The following TGM3 variants were observed in gnomAD, a reference collection of about 807,000 sequenced individuals.
TGM3 encodes transglutaminase 3.
TGM3 carries 52 observed loss-of-function variants against 73.8 expected under a neutral mutation model. That is an observed-to-expected ratio of 0.70 (90% confidence interval 0.56 to 0.89). The LOEUF (loss-of-function observed/expected upper bound fraction) is 0.89, where lower values mean the gene tolerates loss of function less well. Among genes scored for constraint, TGM3 ranks in the 40% least tolerant of loss-of-function variants. The probability of loss-of-function intolerance (pLI) is 0.00; values close to 1 mark genes in which losing one functional copy is unlikely to be tolerated. For synonymous variants in TGM3, 372 were observed against 354.9 expected, an observed-to-expected ratio of 1.05 and a Z score of -0.54; for missense variants, 928 against 909.9, an observed-to-expected ratio of 1.02 and a Z score of -0.26.
intron 11 of TGM3, among the ~76,000 whole-genome samples, chr20:2,337,837 A>G (rs946479763): frequency 6.6e-6 from 1 of 152,220 alleles, no homozygotes; most frequent in African/African-American, 2.4e-5. Flanking sequence ...TACATCTTCC[A>G]GATTTCCATG....
intron 7 of TGM3, among the ~76,000 whole-genome samples, chr20:2,318,096 T>A (rs566485256): frequency 3.6e-4 from 54 of 152,090 alleles, no homozygotes; most frequent in Non-Finnish European, 7.6e-4. Flanking sequence ...CTTGGCTCAC[T>A]GCAACCTCAG....
chr20:2,309,583 G>T, intron 1 of TGM3, 74 bp from the exon 2 acceptor site: 1 of 1,514,250 alleles, frequency 6.6e-7, no homozygotes, highest in East Asian at 2.3e-5. Flanking sequence ...GCTGCTCTTT[G>T]GTAACTTACA....
intron 1 of TGM3, among the ~76,000 whole-genome samples, chr20:2,296,670 G>C (rs543068690): frequency 2.0e-5 from 3 of 152,268 alleles, no homozygotes; most frequent in Non-Finnish European, 2.9e-5. Flanking sequence ...AGCAGGAGCA[G>C]GTGTGCCACA....
intron 7 of TGM3, among the ~76,000 whole-genome samples, chr20:2,319,041 A>C (rs1248322994): frequency 6.6e-6 from 1 of 152,158 alleles, no homozygotes; most frequent in Non-Finnish European, 1.5e-5. Context: ...CTGCACATAC[A>C]CAACTTTCTC....
intron 1 of TGM3, among the ~76,000 whole-genome samples, chr20:2,300,694 G>A (rs1362969585): frequency 6.6e-6 from 1 of 152,206 alleles, no homozygotes; most frequent in Non-Finnish European, 1.5e-5. Flanking sequence ...AATGGGGACA[G>A]CAACACCATT....
intron 1 of TGM3, among the ~76,000 whole-genome samples, chr20:2,299,377 C>T (rs536168947): frequency 2.0e-5 from 3 of 152,306 alleles, no homozygotes; most frequent in South Asian, 2.1e-4. Context: ...TCATCCATTC[C>T]CAAGTCCAAA....
chr20:2,308,006 G>T (rs903910050), intron 1 of TGM3, among the ~76,000 whole-genome samples: 1 of 152,088 alleles, frequency 6.6e-6, no homozygotes, highest in Non-Finnish European at 1.5e-5. Context: ...CAGATCACTT[G>T]AGCCCAGGAG....
intron 1 of TGM3, among the ~76,000 whole-genome samples, chr20:2,302,215 C>G (rs1489904140): frequency 6.6e-6 from 1 of 152,074 alleles, no homozygotes; most frequent in Non-Finnish European, 1.5e-5. Flanking sequence ...CATCACACAC[C>G]CAGCGACCAA....
intron 7 of TGM3, 30 bp from the exon 8 acceptor site, chr20:2,325,819 A>G (rs1356410316): frequency 2.0e-6 from 3 of 1,498,036 alleles, no homozygotes; most frequent in Non-Finnish European, 2.7e-6. Context: ...GGTCTTGGGC[A>G]AGCGCTGCAG....
At position 2,335,195 on chromosome 20, in the gene TGM3, G is replaced by A. The variant is rs201706734; in HGVS notation, c.1722G>A (p.Ala574=). Residue 574 remains alanine, a synonymous_variant, in exon 11 of 13, where the codon GCG becomes GCA. Coordinates refer to ENST00000381458, the MANE Select transcript of TGM3 (RefSeq NM_003245.4). The part of the protein sequence containing the change: ...LKSDNMIRIT[A]VCKVPDESEV... ...CAGACAACATGATCCGGATCACAGC[G>A]GTGTGCAAGGTCCCAGATGAGTCTG... 1.2e-4 allele frequency: 193 copies of A among 1,614,068 alleles called. No homozygotes were observed. Among genetic ancestry groups the A allele is most frequent in the South Asian group, 1.8e-4 (16 of 91,088 alleles).
Position 2,325,907 on chromosome 20 carries a change from G to A in TGM3, c.1042G>A (p.Gly348Ser), listed in dbSNP as rs139599978. ...FVRSDLGPSY[G>S]GWQVLDATPQ... ...GAGGTCTGACCTGGGCCCCTCGTAC[G>A]GTGGATGGCAGGTGTTGGATGCTAC... is the stretch of plus-strand genomic sequence containing the variant. Residue 348 changes from glycine to serine, a missense_variant, in exon 8 of 13, where the codon GGT becomes AGT. Gly to Ser is a moderately conservative substitution (Grantham distance 56). Transcript: ENST00000381458. The A allele has an allele frequency of 3.7e-4, 596 of 1,594,096 alleles. No homozygotes were observed. The highest frequency in any genetic ancestry group is 1.3e-3 in the Middle Eastern group (8 of 6,050).
At chr20:2,299,248 C>T (rs214772) in intron 1 of TGM3, among the ~76,000 whole-genome samples, 112,498 of 152,048 alleles carry the variant, frequency 0.74, 43,512 homozygotes, top group East Asian at 0.93. Flanking sequence ...CTGTTTTCTC[C>T]TTGTCTTGGG....
rs770559976 is a variant in TGM3, at chr20:2,309,805, A to G, written c.156A>G (p.Glu52=). ...MIMNKGLGSN[E]RLEFIVSTGP... is the part of the protein sequence containing the mutation. The stretch of plus-strand genomic sequence containing the variant: ...TGAACAAAGGCCTTGGCTCTAACGA[A>G]AGACTGGAGTTCATTGTCTCCACAG... Residue 52 remains glutamate, a synonymous_variant, in exon 2 of 13, where the codon GAA becomes GAG. Transcript: ENST00000381458. The G allele has an allele frequency of 6.2e-7, 1 of 1,614,146 alleles. No individual in the cohort carries two copies. Among genetic ancestry groups the G allele is most frequent in the Admixed American group, 1.7e-5 (1 of 60,020 alleles).
At chr20:2,299,764 C>T (rs377693328) in intron 1 of TGM3, among the ~76,000 whole-genome samples, 25 of 152,222 alleles carry the variant, frequency 1.6e-4, no homozygotes, top group African/African-American at 5.5e-4. Flanking sequence ...GTAGTGAGGT[C>T]TCAGTCCCTG....
intron 7 of TGM3, among the ~76,000 whole-genome samples, chr20:2,323,334 A>G (rs755172421): frequency 2.6e-5 from 4 of 152,096 alleles, no homozygotes; most frequent in Non-Finnish European, 5.9e-5. Flanking sequence ...TGATTTTCTT[A>G]TTTCATGATA....
At chr20:2,320,292 C>A (rs1258507322) in intron 7 of TGM3, among the ~76,000 whole-genome samples, 1 of 152,174 alleles carries the variant, frequency 6.6e-6, no homozygotes. Context: ...ACAGCAGCAA[C>A]TAATAATTTG....
chr20:2,313,008 C>G lies in TGM3; in HGVS notation c.651C>G (p.Gly217=). Residue 217 remains glycine (G), a synonymous_variant, in exon 5 of 13, where the codon GGC becomes GGG. Transcript: ENST00000381458. ...VASRNDPKYV[G]RVLSAMINSN... is the part of the protein sequence containing the mutation. ...GCAGAAATGACCCCAAATACGTTGGCCGGGTGCTGAGTGCCATGGTGAGTA... is the reference window on the plus strand; with the variant it reads ...GCAGAAATGACCCCAAATACGTTGGGCGGGTGCTGAGTGCCATGGTGAGTA... 6.2e-7 allele frequency: 1 copy of G among 1,614,166 alleles called. No homozygotes were observed. Among genetic ancestry groups the G allele is most frequent in the Non-Finnish European group, 8.5e-7 (1 of 1,180,022 alleles).
Position 2,309,786 on chromosome 20 carries a change from A to C in TGM3, c.137A>C (p.Lys46Thr). Residue 46 changes from lysine (K) to threonine (T), a missense_variant, in exon 2 of 13, where the codon AAA (lysine) becomes ACA (threonine). By Grantham distance (78) the Lys-to-Thr change is moderately conservative (BLOSUM62 -1). Coordinates refer to ENST00000381458, the MANE Select transcript of TGM3 (RefSeq NM_003245.4). ...QNFQVLMIMNKGLGSNERLEF... is the reference protein window; with the variant it reads ...QNFQVLMIMNTGLGSNERLEF... ...TTCCAGGTCTTAATGATCATGAACA[A>C]AGGCCTTGGCTCTAACGAAAGACTG... 12 of 1,614,212 alleles carry C rather than the reference A, an allele frequency of 7.4e-6. No homozygotes were observed. The highest frequency in any genetic ancestry group is 1.0e-5 in the Non-Finnish European group (12 of 1,180,026).
At chr20:2,330,007 C>G (rs1460576860) in intron 9 of TGM3, among the ~76,000 whole-genome samples, 1 of 152,062 alleles carries the variant, frequency 6.6e-6, no homozygotes, top group Admixed American at 6.5e-5. Context: ...GCTGTCTCAG[C>G]CAAACTTCCT....
Sources: gnomAD v4.1 joint callset for allele counts (sites outside exome capture counted in the v4.1 genomes callset) on GRCh38, gnomAD v4.1.1 for gene constraint, MANE v1.5 for transcripts, NCBI Gene and HGNC (gene_info 2026-07-23, HGNC 2026-07-21) for gene names.